The following KSR1 variants were observed in gnomAD, a reference collection of about 807,000 sequenced individuals.
KSR1 encodes kinase suppressor of ras 1.
KSR1 carries 35 observed loss-of-function variants against 92.9 expected under a neutral mutation model. The observed-to-expected ratio is 0.38, with a 90% CI of 0.29 to 0.50. The LOEUF (loss-of-function observed/expected upper bound fraction) is 0.50, where lower values mean the gene tolerates loss of function less well. Ranked by LOEUF, KSR1 falls within the 20% of genes least tolerant of loss-of-function variation. The probability of loss-of-function intolerance (pLI) is 0.94; values close to 1 mark genes in which losing one functional copy is unlikely to be tolerated. For synonymous variants in KSR1, 467 were observed against 472.6 expected, an observed-to-expected ratio of 0.99 and a Z score of 0.15; for missense variants, 972 against 1,158.5, an observed-to-expected ratio of 0.84 and a Z score of 2.34.
chr17:27,532,498 G>A (rs1253205218), intron 1 of KSR1, among the ~76,000 whole-genome samples: 3 of 152,216 alleles, frequency 2.0e-5, no homozygotes, highest in Admixed American at 1.3e-4. Context: ...GAGCGAAATC[G>A]GGTCTTATGC....
chr17:27,585,522 C>T, intron 4 of KSR1, 135 bp from the exon 5 acceptor site: 1 of 702,194 alleles, frequency 1.4e-6, no homozygotes, highest in Non-Finnish European at 2.7e-6. Flanking sequence ...GTCAATCAGC[C>T]AGTCTGGCCT....
chr17:27,561,988 G>T lies in KSR1; in HGVS notation c.372+11280G>T, dbSNP rs148368567. Among the ~76,000 whole-genome samples, 1,020 of 152,278 alleles carry T rather than the reference G, an allele frequency of 6.7e-3. 11 individuals are homozygous for T. The highest frequency in any genetic ancestry group is 0.024 in the African/African-American group (989 of 41,536). On this transcript the variant is annotated intron_variant, in intron 2 of 20. Transcript: ENST00000644974. ...AGCCTCCTGAGTAGCTGAGACCACAGGAACATGCCACCACACCCGGCTAAT... is the reference window on the plus strand; with the variant it reads ...AGCCTCCTGAGTAGCTGAGACCACATGAACATGCCACCACACCCGGCTAAT...
At chr17:27,491,342 T>G (rs2068822585) in intron 1 of KSR1, among the ~76,000 whole-genome samples, 3 of 33,938 alleles carry the variant, frequency 8.8e-5, no homozygotes, top group Admixed American at 3.9e-4. Flanking sequence ...TGTGTGTGTG[T>G]GTGTGTGTGT....
intron 1 of KSR1, among the ~76,000 whole-genome samples, chr17:27,462,866 C>T (rs1203243452): frequency 6.6e-6 from 1 of 152,206 alleles, no homozygotes; most frequent in African/African-American, 2.4e-5. Flanking sequence ...TGGCACATAC[C>T]ATGTGCATTG....
intron 10 of KSR1, 48 bp downstream of exon 10, chr17:27,597,484 C>T: frequency 6.5e-7 from 1 of 1,543,822 alleles, no homozygotes; most frequent in Non-Finnish European, 8.8e-7. Context: ...ACAGTCAGAT[C>T]CCCTTCTCAG....
rs2071745400 is a variant in KSR1 at position 27,559,759 on chromosome 17, A to C, written c.372+9051A>C. On this transcript the variant is annotated intron_variant, in intron 2 of 20. Coordinates refer to ENST00000644974, the MANE Select transcript of KSR1 (RefSeq NM_001394583.1). This position sits in a 1 kb window ranked among gnomAD's most constrained non-coding sequence, Gnocchi z 4.2. ...GACGGATGTCCGGGAAGGCAAGAGC[A>C]CACCAGGCGGAGGGAAGAATATCTG... is the stretch of plus-strand genomic sequence containing the variant. Among the ~76,000 whole-genome samples, 1 of 152,240 alleles carries C rather than the reference A, an allele frequency of 6.6e-6. No individual in the cohort carries two copies. Among genetic ancestry groups the C allele is most frequent in the African/African-American group, 2.4e-5 (1 of 41,468 alleles).
Position 27,611,923 on chromosome 17 carries a change from G to A in KSR1, c.2493+294G>A, listed in dbSNP as rs961929703. 3.3e-5 allele frequency among the ~76,000 whole-genome samples: 5 copies of A among 151,878 alleles called. No individual in the cohort carries two copies. The South Asian group carries it at 6.2e-4, about 19-fold the overall frequency. ...CATTGATTTATGAGATGAAAAGAAA[G>A]TAAAGCCCCATGTTATTTACATGAA... On this transcript the variant is annotated intron_variant, in intron 18 of 20. Transcript: ENST00000644974.
chr17:27,585,729 G>A, intron 5 of KSR1, 68 bp downstream of exon 5: 1 of 732,894 alleles, frequency 1.4e-6, no homozygotes, highest in Non-Finnish European at 2.5e-6. Flanking sequence ...TCCCCATCGG[G>A]GGTGGACCTC....
At chr17:27,499,164 G>A (rs1356428965) in intron 1 of KSR1, among the ~76,000 whole-genome samples, 1 of 152,202 alleles carries the variant, frequency 6.6e-6, no homozygotes, top group East Asian at 1.9e-4. Context: ...CAGAAGCCAA[G>A]CAATACACCA....
At chr17:27,592,179 T>C (rs1429610131) in intron 7 of KSR1, among the ~76,000 whole-genome samples, 182 bp from the exon 8 acceptor site, 1 of 152,196 alleles carries the variant, frequency 6.6e-6, no homozygotes, top group African/African-American at 2.4e-5. Flanking sequence ...CTCAGCATAG[T>C]GGCTCAGTGT....
intron 1 of KSR1, among the ~76,000 whole-genome samples, chr17:27,518,768 C>T (rs879796792): frequency 2.6e-5 from 4 of 152,212 alleles, no homozygotes; most frequent in African/African-American, 4.8e-5. Flanking sequence ...CTAGACCCTC[C>T]TCCCTCTCCA....
chr17:27,588,310 C>A, intron 5 of KSR1, 165 bp from the exon 6 acceptor site: 1 of 495,222 alleles, frequency 2.0e-6, no homozygotes, highest in Non-Finnish European at 3.4e-6. Context: ...TGCCACTGGG[C>A]TAGCCTGGCC....
At chr17:27,609,889 A>T in intron 16 of KSR1, 178 bp from the exon 17 acceptor site, 1 of 654,950 alleles carries the variant, frequency 1.5e-6, no homozygotes, top group Non-Finnish European at 2.5e-6. Flanking sequence ...ACTCCTTTGT[A>T]GAATTCCTCA....
intron 1 of KSR1, among the ~76,000 whole-genome samples, chr17:27,539,009 C>T (rs558148689): frequency 1.6e-4 from 24 of 152,330 alleles, no homozygotes; most frequent in African/African-American, 4.6e-4. Flanking sequence ...GCCTTGCCTT[C>T]CCCATCCCTC....
intron 2 of KSR1, among the ~76,000 whole-genome samples, chr17:27,553,890 G>A (rs539023336): frequency 6.6e-6 from 1 of 152,310 alleles, no homozygotes; most frequent in South Asian, 2.1e-4. Context: ...AGTGATGGGG[G>A]AACCCTGAGT....
chr17:27,617,270 C>A, intron 18 of KSR1, 25 bp from the exon 19 acceptor site: 4 of 1,595,656 alleles, frequency 2.5e-6, no homozygotes, highest in Non-Finnish European at 3.4e-6. Flanking sequence ...AGCTCACACA[C>A]CACTAATGGC....
intron 1 of KSR1, among the ~76,000 whole-genome samples, chr17:27,547,653 C>G (rs988114645): frequency 2.0e-5 from 3 of 152,140 alleles, no homozygotes; most frequent in African/African-American, 4.8e-5. Flanking sequence ...GAGTCTTGCT[C>G]TGTCACCCAG....
intron 2 of KSR1, among the ~76,000 whole-genome samples, chr17:27,576,237 G>GT (rs1329649288): frequency 6.6e-6 from 1 of 152,134 alleles, no homozygotes. Context: ...GCTGTATATA[G>GT]TAATACCCCC....
At chr17:27,546,064 C>T (rs192245078) in intron 1 of KSR1, among the ~76,000 whole-genome samples, 32 of 152,280 alleles carry the variant, frequency 2.1e-4, no homozygotes, top group African/African-American at 6.3e-4. Context: ...TGAGTTTGCA[C>T]AGCTGTTTGA....
Sources: allele counts gnomAD v4.1 joint callset (sites outside exome capture counted in the v4.1 genomes callset), GRCh38; gene constraint gnomAD v4.1.1; non-coding constraint Gnocchi (gnomAD v3.1); transcripts MANE v1.5; gene names NCBI Gene and HGNC (gene_info 2026-07-23, HGNC 2026-07-21).